CNTN1: variants seen among roughly 807,000 people sequenced by gnomAD.
CNTN1 encodes contactin-1.
CNTN1 carries 38 observed loss-of-function variants against 126.4 expected under a neutral mutation model. That is an observed-to-expected ratio of 0.30 (90% CI 0.23 to 0.39). The LOEUF is 0.39. CNTN1 is among the 10% of genes least tolerant of loss of function. CNTN1 has a pLI of 1.00. For synonymous variants in CNTN1, 413 were observed against 422.6 expected (o/e 0.98, Z 0.28); for missense variants, 1,009 against 1,248.4 (o/e 0.81, Z 2.89).
chr12:40,924,450 G>T (rs1229600385), intron 5 of CNTN1, 107 bp from the exon 6 acceptor site: 1 of 700,570 alleles, frequency 1.4e-6, no homozygotes. Context: ...CCACTGAGAA[G>T]TGCTGTATCT....
At chr12:40,977,767 TTTTGTTTTGTTTTG>T (rs1190335645) in intron 15 of CNTN1, among the ~76,000 whole-genome samples, 1 of 1,120 alleles carries the variant, frequency 8.9e-4, no homozygotes, top group African/African-American at 1.6e-3. Context: ...CAATCATCTG[TTTTGTTTTGTTTTG>T]TTTTGTTTTG....
intron 23 of CNTN1, among the ~76,000 whole-genome samples, chr12:41,035,048 A>G (rs927442039): frequency 6.6e-5 from 10 of 152,200 alleles, no homozygotes; most frequent in Admixed American, 1.3e-4. Flanking sequence ...TATTTTAACT[A>G]TATGTCAGGC....
chr12:41,051,249 G>T (rs554269307), intron 23 of CNTN1, among the ~76,000 whole-genome samples: 8 of 147,672 alleles, frequency 5.4e-5, no homozygotes, highest in Non-Finnish European at 1.0e-4. Flanking sequence ...CCAGGTTCAC[G>T]CCATTCTCCT....
At chr12:40,935,125 T>C (rs1316570344) in intron 9 of CNTN1, among the ~76,000 whole-genome samples, 2 of 152,000 alleles carry the variant, frequency 1.3e-5, no homozygotes, top group Non-Finnish European at 2.9e-5. Context: ...CCCTGAATGC[T>C]CTAACCCAAA....
At chr12:40,858,667 TACATGC>T (rs1943004296) in intron 1 of CNTN1, among the ~76,000 whole-genome samples, 1 of 152,034 alleles carries the variant, frequency 6.6e-6, no homozygotes, top group Admixed American at 6.6e-5. Flanking sequence ...ATTACAGAAA[TACATGC>T]ACACGTATGT....
chr12:40,948,643 C>G (rs1946530222), intron 14 of CNTN1, among the ~76,000 whole-genome samples: 1 of 152,180 alleles, frequency 6.6e-6, no homozygotes, highest in Non-Finnish European at 1.5e-5. Flanking sequence ...ACTGCCAACC[C>G]TGTAATCTCC....
chr12:41,038,548 C>T (rs1949322922), intron 23 of CNTN1, among the ~76,000 whole-genome samples: 1 of 152,042 alleles, frequency 6.6e-6, no homozygotes, highest in Non-Finnish European at 1.5e-5. Context: ...TATTGAAAGA[C>T]CCTATCCCAA....
intron 1 of CNTN1, among the ~76,000 whole-genome samples, chr12:40,842,868 G>A (rs929335972): frequency 6.6e-6 from 1 of 152,158 alleles, no homozygotes; most frequent in African/African-American, 2.4e-5. Flanking sequence ...CATATCCAAT[G>A]TAAGATGAAT....
At chr12:40,971,556 A>T in intron 15 of CNTN1, 1 of 1,562,104 alleles carries the variant, frequency 6.4e-7, no homozygotes, top group Non-Finnish European at 8.6e-7. Context: ...TTTTTTTTTT[A>T]ACATATTATA....
chr12:41,000,944 C>T (rs1157779957), intron 17 of CNTN1, among the ~76,000 whole-genome samples: 1 of 152,180 alleles, frequency 6.6e-6, no homozygotes, highest in Non-Finnish European at 1.5e-5. Context: ...CCATCCATGT[C>T]CCTGCAAAGT....
At chr12:40,816,929 T>G (rs1941274203) in intron 1 of CNTN1, among the ~76,000 whole-genome samples, 1 of 152,230 alleles carries the variant, frequency 6.6e-6, no homozygotes, top group Non-Finnish European at 1.5e-5. Flanking sequence ...AGGAGCAGGT[T>G]GTTCAACTCC....
chr12:41,001,078 G>T (rs1462148865), intron 17 of CNTN1, among the ~76,000 whole-genome samples: 1 of 152,154 alleles, frequency 6.6e-6, no homozygotes, highest in Non-Finnish European at 1.5e-5. Flanking sequence ...ATTGTGAATA[G>T]TGCTGCAATG....
At chr12:41,069,915 A>G (rs2121172799) in intron 23 of CNTN1, 44 bp from the exon 24 acceptor site, 4 of 1,483,192 alleles carry the variant, frequency 2.7e-6, no homozygotes. Context: ...CAATAGTGAC[A>G]TGTATCAATG....
chr12:40,933,572 G>GAC lies in CNTN1; in HGVS notation c.803+15_803+16dup, dbSNP rs1945971977. 5 of 1,570,244 alleles carry GAC rather than the reference G, an allele frequency of 3.2e-6. No homozygotes were observed. The highest frequency in any genetic ancestry group is 4.4e-6 in the Non-Finnish European group (5 of 1,140,708). On this transcript the variant is annotated intron_variant, in intron 8 of 23. Transcript: ENST00000551295. ...TTTGCACTTGGAAAGTAAGTATACT[G>GAC]ACACTTTTATTAATATATATAGAAA...
At chr12:40,966,094 T>G (rs1219598971) in intron 15 of CNTN1, among the ~76,000 whole-genome samples, 2 of 151,580 alleles carry the variant, frequency 1.3e-5, no homozygotes, top group East Asian at 3.9e-4. Flanking sequence ...CAGAAAGATC[T>G]GGGTCCAAAT....
At chr12:41,053,350 A>C (rs1949726838) in intron 23 of CNTN1, among the ~76,000 whole-genome samples, 1 of 147,268 alleles carries the variant, frequency 6.8e-6, no homozygotes, top group South Asian at 2.1e-4. Context: ...TATGATACCC[A>C]AAATGAATTT....
chr12:40,888,474 A>G (rs1358911230), intron 1 of CNTN1, among the ~76,000 whole-genome samples: 1 of 152,200 alleles, frequency 6.6e-6, no homozygotes, highest in Non-Finnish European at 1.5e-5. Flanking sequence ...CAAAAGTAGT[A>G]CTGGAAACAT....
At chr12:40,784,055 A>T (rs1179353133) in intron 1 of CNTN1, among the ~76,000 whole-genome samples, 1 of 152,178 alleles carries the variant, frequency 6.6e-6, no homozygotes, top group East Asian at 1.9e-4. Context: ...ACAAATTATT[A>T]CAGCATAGTG....
chr12:40,738,230 A>G (rs1413237838), intron 1 of CNTN1, among the ~76,000 whole-genome samples: 2 of 152,036 alleles, frequency 1.3e-5, no homozygotes, highest in Non-Finnish European at 2.9e-5. Flanking sequence ...AGAGCTCGGA[A>G]ACTTATATTG....
Sources: allele counts gnomAD v4.1 joint callset (sites outside exome capture counted in the v4.1 genomes callset), GRCh38; gene constraint gnomAD v4.1.1; transcripts MANE v1.5; gene names NCBI Gene and HGNC (gene_info 2026-07-23, HGNC 2026-07-21).